Variants in PRDM16 observed in about 807,000 individuals in gnomAD.
The protein encoded by PRDM16 is histone-lysine N-methyltransferase PRDM16.
In PRDM16, 23 loss-of-function variants were observed where a neutral mutation model predicts 110.6. The ratio of observed to expected loss-of-function variants is 0.21; its 90% CI spans 0.15 to 0.29. PRDM16 has a LOEUF of 0.29. Among genes scored for constraint, PRDM16 ranks in the 10% least tolerant of loss-of-function variants. The pLI is 1.00. For synonymous variants in PRDM16, 799 were observed against 781.8 expected (o/e 1.02, Z -0.37); for missense variants, 1,615 against 1,794.3 (o/e 0.90, Z 1.81).
At chr1:3,297,592 G>A (rs1641118173) in intron 3 of PRDM16, among the ~76,000 whole-genome samples, 2 of 152,232 alleles carry the variant, frequency 1.3e-5, no homozygotes, top group Admixed American at 6.5e-5. Flanking sequence ...CCTGATGAGA[G>A]GATTTTTGAG....
chr1:3,216,743 T>C (rs16823514), intron 2 of PRDM16, among the ~76,000 whole-genome samples: 5 of 152,206 alleles, frequency 3.3e-5, no homozygotes, highest in African/African-American at 1.2e-4. Context: ...TGCCTGAGAC[T>C]GGAGATGCTG....
rs1557554658 is a variant in PRDM16 at position 3,245,305 on chromosome 1, C to T, written c.438+1168C>T. Among the ~76,000 whole-genome samples, 2 of 152,180 alleles carry T rather than the reference C, an allele frequency of 1.3e-5. No homozygotes were observed. Among genetic ancestry groups the T allele is most frequent in the Non-Finnish European group, 2.9e-5 (2 of 68,032 alleles). On this transcript the variant is annotated intron_variant, in intron 3 of 16. Transcript: ENST00000270722. The surrounding 1 kb of genome is among the most constrained non-coding windows in gnomAD (Gnocchi z 4.7). ...AAAGTGCTGTGCTAGTCCTGCCAAA[C>T]TCCCAGTCTCTGAGCCGAGGCATTT...
rs1377259576 is a variant in PRDM16 at position 3,402,716 on chromosome 1, GGTCTCCAGA to G, written c.677-71_677-63del. The G allele has an allele frequency of 4.4e-6, 6 of 1,363,560 alleles. No individual in the cohort carries two copies. The Admixed American group carries it at 5.3e-5, about 12-fold the overall frequency. The allele number at this position is 1,363,560 out of a possible 1,614,324, so 84.5% of individuals were successfully genotyped here. On this transcript the variant is annotated intron_variant, in intron 5 of 16. Coordinates refer to ENST00000270722, the MANE Select transcript of PRDM16 (RefSeq NM_022114.4). ...CTGAGGCACCGTGGTGAGGGGGCCA[GGTCTCCAGA>G]GTCCCCTGATAGCCCTGGGCTGGGT...
rs1464881281 is a variant in PRDM16 at position 3,414,663 on chromosome 1, A to C, written c.2691+16A>C. The C allele has an allele frequency of 6.2e-7, 1 of 1,604,066 alleles. No homozygotes were observed. The highest frequency in any genetic ancestry group is 8.5e-7 in the Non-Finnish European group (1 of 1,173,188). ...CCACCCCCAGGTACGTCCTCAGTGC[A>C]GGTCAGGGCGCCCTGTAACCCACAC... On this transcript the variant is annotated intron_variant, in intron 10 of 16. Coordinates refer to ENST00000270722, the MANE Select transcript of PRDM16 (RefSeq NM_022114.4).
At chr1:3,071,511 G>A (rs756222747) in intron 1 of PRDM16, among the ~76,000 whole-genome samples, 5 of 152,260 alleles carry the variant, frequency 3.3e-5, no homozygotes, top group Non-Finnish European at 7.3e-5. Flanking sequence ...AGCTGGGACC[G>A]CTTGTCCCAG....
chr1:3,411,587 A>T lies in PRDM16; in HGVS notation c.1390A>T (p.Thr464Ser). 1.9e-6 allele frequency: 3 copies of T among 1,613,840 alleles called. No homozygotes were observed. The highest frequency in any genetic ancestry group is 2.5e-6 in the Non-Finnish European group (3 of 1,179,960). Residue 464 changes from threonine (T) to serine (S), a missense_variant, in exon 9 of 17, where the codon ACC becomes TCC. Around this residue, in one of 5 missense-constraint regions of PRDM16, gnomAD observed 772 missense variants for 748.3 expected, o/e 1.03. Transcript: ENST00000270722. ...CATCTTTGCCCCGGGCCTGCCCTTGACCCCCAGCCCCATGATGGACAAGGC... is the reference window on the plus strand; with the variant it reads ...CATCTTTGCCCCGGGCCTGCCCTTGTCCCCCAGCCCCATGATGGACAAGGC... ...GGIFAPGLPLTPSPMMDKAKP... is the reference protein window; with the variant it reads ...GGIFAPGLPLSPSPMMDKAKP...
Position 3,390,193 on chromosome 1 carries a change from C to CGCT in PRDM16, c.573+4908_573+4910dup, listed in dbSNP as rs1437288701. Among the ~76,000 whole-genome samples the CGCT allele has an allele frequency of 2.6e-5, 4 of 152,146 alleles. No homozygotes were observed. The highest frequency in any genetic ancestry group is 6.5e-5 in the Admixed American group (1 of 15,276). On this transcript the variant is annotated intron_variant, in intron 4 of 16. Coordinates refer to ENST00000270722, the MANE Select transcript of PRDM16 (RefSeq NM_022114.4). This position sits in a 1 kb window ranked among gnomAD's most constrained non-coding sequence, Gnocchi z 5.0. ...GGCAGGGAGGAGCTGTCACAGCCGGCGCTTTCTGTTTTTTGGTTTATCTTT... is the reference window on the plus strand; with the variant it reads ...GGCAGGGAGGAGCTGTCACAGCCGGCGCTGCTTTCTGTTTTTTGGTTTATCTTT...
At chr1:3,388,312 G>GTC (rs903479187) in intron 4 of PRDM16, among the ~76,000 whole-genome samples, 9 of 150,816 alleles carry the variant, frequency 6.0e-5, no homozygotes, top group African/African-American at 1.5e-4. Flanking sequence ...CTCTTTCTCT[G>GTC]TCTCTCTCTT....
intron 3 of PRDM16, among the ~76,000 whole-genome samples, chr1:3,352,956 C>G (rs1031689150): frequency 1.3e-5 from 2 of 152,202 alleles, no homozygotes; most frequent in African/African-American, 2.4e-5. Context: ...GAGTGCCCAC[C>G]CTGCAGGCTT....
chr1:3,090,126 T>C (rs1404019035), intron 1 of PRDM16, among the ~76,000 whole-genome samples: 2 of 152,234 alleles, frequency 1.3e-5, no homozygotes, highest in African/African-American at 2.4e-5. Context: ...TGTGTGCTCA[T>C]TCGTGACATG....
chr1:3,311,588 T>A (rs74048222), intron 3 of PRDM16, among the ~76,000 whole-genome samples: 3 of 152,126 alleles, frequency 2.0e-5, no homozygotes, highest in Non-Finnish European at 2.9e-5. Flanking sequence ...CATTTAATCC[T>A]TGGCCTGACC....
Position 3,437,702 on chromosome 1 carries a change from T to TAAA in PRDM16, c.*3891_*3892insAAA, listed in dbSNP as rs1638946875. On this transcript the variant is annotated 3_prime_UTR_variant, in exon 17 of 17. Transcript: ENST00000270722. ...CTCTGCTCCTTCCATTCCATTTTTG[T>TAAA]GTTTGTTTTGTTCTTTTCTGTCACT... 1 of 224,666 alleles carries TAAA rather than the reference T, an allele frequency of 4.5e-6. No homozygotes were observed. The highest frequency in any genetic ancestry group is 2.2e-5 in the African/African-American group (1 of 44,868). The allele number at this position is 224,666 out of a possible 1,614,324, so 13.9% of individuals were successfully genotyped here. A position where few individuals can be genotyped will look rare whatever the true frequency, so the allele number is the denominator to read the frequency against.
At position 3,312,512 on chromosome 1, in the gene PRDM16, G is replaced by A. The variant is rs114365545; in HGVS notation, c.438+68375G>A. Among the ~76,000 whole-genome samples, 1,254 of 152,310 alleles carry A rather than the reference G, an allele frequency of 8.2e-3. 13 individuals are homozygous for A. The highest frequency in any genetic ancestry group is 0.027 in the African/African-American group (1,132 of 41,556). On this transcript the variant is annotated intron_variant, in intron 3 of 16. Coordinates refer to ENST00000270722, the MANE Select transcript of PRDM16 (RefSeq NM_022114.4). Reference sequence around the variant, plus strand: ...CCTCCCCAGCCTGCTGGTGTCTGACGTTGGCATCCCCTCTGTGGGATACAT... The same window carrying A: ...CCTCCCCAGCCTGCTGGTGTCTGACATTGGCATCCCCTCTGTGGGATACAT...
intron 1 of PRDM16, among the ~76,000 whole-genome samples, chr1:3,070,120 C>A (rs1340082686): frequency 1.3e-5 from 2 of 152,002 alleles, no homozygotes. Context: ...CGCCCTCGGG[C>A]CCGCGTGGAC....
rs78565727 is a variant in PRDM16, at chr1:3,159,874, T to C, written c.38-26251T>C. 4.6e-3 allele frequency among the ~76,000 whole-genome samples: 707 copies of C among 152,224 alleles called. 3 individuals carry two copies. Among genetic ancestry groups the C allele is most frequent in the Non-Finnish European group, 7.8e-3 (532 of 68,014 alleles). On this transcript the variant is annotated intron_variant, in intron 1 of 16. Transcript: ENST00000270722. The stretch of plus-strand genomic sequence containing the variant: ...TCCAGACTCAGAGTGCCAGAGAAAA[T>C]ACAGGACACCCAGTAAACTTTACCT...
rs534447296 is a variant in PRDM16, at chr1:3,197,781, G to A, written c.387+11307G>A. Among the ~76,000 whole-genome samples, 3 of 152,296 alleles carry A rather than the reference G, an allele frequency of 2.0e-5. No homozygotes were observed. The East Asian group carries it at 5.8e-4, about 29-fold the overall frequency. On this transcript the variant is annotated intron_variant, in intron 2 of 16. Transcript: ENST00000270722. ...AGGCCTGTGGGCCAGCTCCTGGGTG[G>A]CCCTCCCTCCCCTGGGTCAGACGCA...
chr1:3,089,997 T>C (rs1642239181), intron 1 of PRDM16, among the ~76,000 whole-genome samples: 1 of 152,190 alleles, frequency 6.6e-6, no homozygotes, highest in Non-Finnish European at 1.5e-5. Context: ...CTCCCAAATT[T>C]CTAAGAAGCT....
In PRDM16 at chr1:3,246,391, G is replaced by A. The variant is rs776553842; in HGVS notation, c.438+2254G>A. 1.3e-5 allele frequency among the ~76,000 whole-genome samples: 2 copies of A among 152,210 alleles called. No homozygotes were observed. The highest frequency in any genetic ancestry group is 2.9e-5 in the Non-Finnish European group (2 of 68,036). ...GGAGTCTCAGGTTCCGCCATCCCAC[G>A]GAATCAGAGCAGACCCGATGCACGA... On this transcript the variant is annotated intron_variant, in intron 3 of 16. Coordinates refer to ENST00000270722, the MANE Select transcript of PRDM16 (RefSeq NM_022114.4). This position sits in a 1 kb window ranked among gnomAD's most constrained non-coding sequence, Gnocchi z 5.2.
intron 1 of PRDM16, among the ~76,000 whole-genome samples, chr1:3,110,513 G>A (rs1179884102): frequency 1.4e-5 from 2 of 147,298 alleles, no homozygotes; most frequent in Non-Finnish European, 3.0e-5. Context: ...CATGTCCTGG[G>A]TGTGCAGACA....
Sources: gnomAD v4.1 joint callset for allele counts (sites outside exome capture counted in the v4.1 genomes callset) on GRCh38, gnomAD v4.1.1 for gene constraint, gnomAD v4.1.1 regional missense constraint, Gnocchi (gnomAD v3.1) non-coding constraint, MANE v1.5 for transcripts, NCBI Gene and HGNC (gene_info 2026-07-23, HGNC 2026-07-21) for gene names.